CLVS1: variants seen among roughly 807,000 people sequenced by gnomAD.
The protein encoded by CLVS1 is clavesin 1.
CLVS1 carries 10 observed loss-of-function variants against 33.1 expected under a neutral mutation model. The observed-to-expected ratio is 0.30, with a 90% confidence interval of 0.19 to 0.51. The LOEUF (loss-of-function observed/expected upper bound fraction) is 0.51. Ranked by LOEUF, CLVS1 falls within the 20% of genes least tolerant of loss-of-function variation. CLVS1 has a pLI of 0.97. For missense variants in CLVS1, 343 were observed against 433.4 expected, an observed-to-expected ratio of 0.79 and a Z score of 1.85; for synonymous variants, 163 against 166.1, an observed-to-expected ratio of 0.98 and a Z score of 0.14.
intron 2 of CLVS1, among the ~76,000 whole-genome samples, chr8:61,305,943 A>T (rs1810609784): frequency 6.6e-6 from 1 of 152,124 alleles, no homozygotes; most frequent in Non-Finnish European, 1.5e-5. Context: ...TCTATCAGTG[A>T]TGGGCATCTA....
chr8:61,011,795 G>A, the CLVS1 span, among the ~76,000 whole-genome samples: 2 of 152,126 alleles, frequency 1.3e-5, no homozygotes, highest in African/African-American at 4.8e-5. Context: ...ACCAATTTCG[G>A]TGCCATGTTA....
intron 2 of CLVS1, among the ~76,000 whole-genome samples, chr8:61,198,712 C>T (rs147476873): frequency 5.8e-4 from 88 of 152,236 alleles, no homozygotes; most frequent in African/African-American, 1.8e-3. Flanking sequence ...ATCCCTCACC[C>T]GCCTTCCCTC....
At chr8:61,482,376 G>A (rs1260802737) in intron 5 of CLVS1, among the ~76,000 whole-genome samples, 3 of 152,234 alleles carry the variant, frequency 2.0e-5, no homozygotes, top group Non-Finnish European at 4.4e-5. Flanking sequence ...AGAGAAGAAG[G>A]CTTCAGATAA....
the CLVS1 span, among the ~76,000 whole-genome samples, chr8:61,010,856 G>A: frequency 6.6e-6 from 1 of 152,182 alleles, no homozygotes; most frequent in African/African-American, 2.4e-5. Context: ...CTGGGTCTTT[G>A]TTCTGTGCTA....
upstream of CLVS1, among the ~76,000 whole-genome samples, chr8:61,285,843 G>T (rs1036886936): frequency 6.6e-6 from 1 of 152,108 alleles, no homozygotes; most frequent in East Asian, 1.9e-4. Context: ...ACAGCACATT[G>T]TTGAACATGT....
intron 3 of CLVS1, among the ~76,000 whole-genome samples, chr8:61,385,895 G>C (rs961396271): frequency 6.6e-6 from 1 of 152,128 alleles, no homozygotes; most frequent in Non-Finnish European, 1.5e-5. Context: ...ATGTTGGGGG[G>C]TAGTCCCCAA....
the CLVS1 span, among the ~76,000 whole-genome samples, chr8:60,994,526 T>G: frequency 6.6e-6 from 1 of 152,226 alleles, no homozygotes; most frequent in Non-Finnish European, 1.5e-5. Context: ...AAGCTGCTAC[T>G]CTGACTTGGC....
intron 2 of CLVS1, among the ~76,000 whole-genome samples, chr8:61,338,507 G>A (rs938948301): frequency 3.3e-5 from 5 of 152,166 alleles, no homozygotes; most frequent in Non-Finnish European, 5.9e-5. Flanking sequence ...TGATGCTAAC[G>A]CTGCCATGAT....
chr8:61,165,588 T>C (rs1217864773), intron 2 of CLVS1, among the ~76,000 whole-genome samples: 1 of 152,230 alleles, frequency 6.6e-6, no homozygotes, highest in Non-Finnish European at 1.5e-5. Flanking sequence ...CCTTCCCAAC[T>C]AGGCTTAGGG....
chr8:61,060,880 C>A (rs1804570672), intron 1 of CLVS1, among the ~76,000 whole-genome samples: 2 of 152,216 alleles, frequency 1.3e-5, no homozygotes, highest in Admixed American at 6.5e-5. Context: ...AGCCCCATTC[C>A]TACAAACTCT....
intron 3 of CLVS1, among the ~76,000 whole-genome samples, chr8:61,434,877 G>T (rs1424277237): frequency 6.6e-6 from 1 of 152,036 alleles, no homozygotes; most frequent in African/African-American, 2.4e-5. Flanking sequence ...AGAGGGAAGG[G>T]GATTCTCTAT....
chr8:61,147,590 G>A (rs1806445616), intron 2 of CLVS1, among the ~76,000 whole-genome samples: 1 of 152,142 alleles, frequency 6.6e-6, no homozygotes, highest in Non-Finnish European at 1.5e-5. Context: ...TTTACCCTCT[G>A]AAAATGTCTC....
intron 2 of CLVS1, among the ~76,000 whole-genome samples, chr8:61,347,563 T>A (rs1585836118): frequency 1.3e-5 from 2 of 148,378 alleles, no homozygotes; most frequent in South Asian, 4.3e-4. Flanking sequence ...TTATACAACA[T>A]GTTGTACATG....
chr8:61,011,574 G>A, the CLVS1 span, among the ~76,000 whole-genome samples: 2 of 151,896 alleles, frequency 1.3e-5, no homozygotes, highest in African/African-American at 4.8e-5. Flanking sequence ...TCAGCCTCTC[G>A]AATAGCTGGG....
intron 2 of CLVS1, among the ~76,000 whole-genome samples, chr8:61,357,601 G>T (rs1417326414): frequency 2.8e-5 from 4 of 145,080 alleles, no homozygotes; most frequent in Non-Finnish European, 6.0e-5. Context: ...CCCCTCCTAG[G>T]TTCAAGAGAT....
At chr8:61,316,524 C>G (rs1811015994) in intron 2 of CLVS1, among the ~76,000 whole-genome samples, 1 of 152,158 alleles carries the variant, frequency 6.6e-6, no homozygotes, top group African/African-American at 2.4e-5. Context: ...GAATGACCTT[C>G]AAATGAATTG....
chr8:61,048,849 T>C, the CLVS1 span, among the ~76,000 whole-genome samples: 1 of 152,158 alleles, frequency 6.6e-6, no homozygotes, highest in Non-Finnish European at 1.5e-5. Flanking sequence ...ACTGTTTTTT[T>C]CTGTAAGGCA....
intron 2 of CLVS1, among the ~76,000 whole-genome samples, chr8:61,186,757 G>A (rs1478111321): frequency 6.6e-6 from 1 of 152,206 alleles, no homozygotes; most frequent in Non-Finnish European, 1.5e-5. Flanking sequence ...ATAACCTTGA[G>A]AGTCTAGCAA....
At chr8:61,296,842 C>T (rs1045825123) in intron 1 of CLVS1, among the ~76,000 whole-genome samples, 1 of 152,168 alleles carries the variant, frequency 6.6e-6, no homozygotes, top group Non-Finnish European at 1.5e-5. Flanking sequence ...ATGGAGCTGA[C>T]TCTTTTGGCC....
Sources: gnomAD v4.1 joint callset for allele counts (sites outside exome capture counted in the v4.1 genomes callset) on GRCh38, gnomAD v4.1.1 for gene constraint, MANE v1.5 for transcripts, NCBI Gene and HGNC (gene_info 2026-07-23, HGNC 2026-07-21) for gene names.